CASQ2: variants seen among roughly 807,000 people sequenced by gnomAD.
The protein encoded by CASQ2 is calsequestrin 2, also known as calsequestrin-2.
In CASQ2, 49 loss-of-function variants were observed where a neutral mutation model predicts 46.5. The observed-to-expected ratio is 1.05, with a 90% CI of 0.84 to 1.34. CASQ2 has a LOEUF of 1.34. Among genes scored for constraint, CASQ2 ranks in the 40% most tolerant of loss-of-function variants. The pLI is 0.00. For synonymous variants in CASQ2, 174 were observed against 168.5 expected, an observed-to-expected ratio of 1.03 and a Z score of -0.25; for missense variants, 486 against 481.3, an observed-to-expected ratio of 1.01 and a Z score of -0.09.
chr1:115,711,710 A>C (rs894670948), intron 8 of CASQ2, among the ~76,000 whole-genome samples: 2 of 151,402 alleles, frequency 1.3e-5, no homozygotes, highest in African/African-American at 4.9e-5. Context: ...GCTGGAGTGC[A>C]ATGGTGTGGT....
intron 5 of CASQ2, among the ~76,000 whole-genome samples, chr1:115,730,585 C>A (rs1647751096): frequency 6.6e-6 from 1 of 152,158 alleles, no homozygotes; most frequent in South Asian, 2.1e-4. Flanking sequence ...GAACTCATAA[C>A]CCCATCTCTT....
At chr1:115,711,567 C>T (rs187115305) in intron 8 of CASQ2, among the ~76,000 whole-genome samples, 23 of 150,574 alleles carry the variant, frequency 1.5e-4, no homozygotes, top group African/African-American at 5.7e-4. Flanking sequence ...CTCCTCCACC[C>T]CCATCAAACT....
chr1:115,728,653 T>G (rs915449566), intron 5 of CASQ2, among the ~76,000 whole-genome samples: 1 of 152,254 alleles, frequency 6.6e-6, no homozygotes, highest in Non-Finnish European at 1.5e-5. Flanking sequence ...GCTTATCACG[T>G]GCCAGGCACT....
intron 7 of CASQ2, among the ~76,000 whole-genome samples, chr1:115,722,300 G>A (rs1481966986): frequency 1.3e-5 from 2 of 152,164 alleles, no homozygotes; most frequent in African/African-American, 4.8e-5. Flanking sequence ...TGGAAAATAT[G>A]AGCCATCACC....
chr1:115,705,204 G>T lies in CASQ2; in HGVS notation c.927C>A (p.Asp309Glu). 1 of 1,611,614 alleles carries T rather than the reference G, an allele frequency of 6.2e-7. No homozygotes were observed. Among genetic ancestry groups the T allele is most frequent in the Non-Finnish European group, 8.5e-7 (1 of 1,177,638 alleles). ...TGGAGCCACTCACCAGAGGAAAGTC[G>T]TCCGGGTCGATCCACAGGATGCTCA... Reference protein sequence around the residue: ...PDLSILWIDPDDFPLLVAYWE... With the variant: ...PDLSILWIDPEDFPLLVAYWE... The change falls in exon 9 of 11, where the codon GAC becomes GAA. Residue 309 changes from aspartate (D) to glutamate (E), a missense_variant. Asp to Glu is a conservative substitution (Grantham distance 45). Coordinates refer to ENST00000261448, the MANE Select transcript of CASQ2 (RefSeq NM_001232.4).
In CASQ2 at chr1:115,761,523, GAAGAA is replaced by G. The variant is rs1274221128; in HGVS notation, c.234+6780_234+6784del. Among the ~76,000 whole-genome samples, 641 of 101,292 alleles carry G rather than the reference GAAGAA, an allele frequency of 6.3e-3. 65 individuals are homozygous for G. Among genetic ancestry groups the G allele is most frequent in the East Asian group, 0.014 (31 of 2,272 alleles). 66.5% of individuals were successfully genotyped at this position (101,292 alleles called of 152,430 possible). ...AGAAGAAGAAGAAGAAGAAGAAGAAGAAGAAGAGTTCATAAAGTGCACATGAGTCT... is the reference window on the plus strand; with the variant it reads ...AGAAGAAGAAGAAGAAGAAGAAGAAGGAGTTCATAAAGTGCACATGAGTCT... On this transcript the variant is annotated intron_variant, in intron 1 of 10. Coordinates refer to ENST00000261448, the MANE Select transcript of CASQ2 (RefSeq NM_001232.4).
chr1:115,746,208 A>G (rs1405891338), intron 1 of CASQ2, among the ~76,000 whole-genome samples: 2 of 151,420 alleles, frequency 1.3e-5, no homozygotes, highest in Non-Finnish European at 2.9e-5. Context: ...AATGTATCAT[A>G]GTTTGTTTAA....
At chr1:115,706,855 T>G (rs1024836240) in intron 8 of CASQ2, among the ~76,000 whole-genome samples, 2 of 152,156 alleles carry the variant, frequency 1.3e-5, no homozygotes, top group African/African-American at 4.8e-5. Context: ...GTAAAAGTTT[T>G]TTTCTACACT....
chr1:115,718,233 A>G (rs1647243428), intron 7 of CASQ2, among the ~76,000 whole-genome samples: 1 of 152,236 alleles, frequency 6.6e-6, no homozygotes, highest in Non-Finnish European at 1.5e-5. Context: ...AGGCAAAATG[A>G]GAAAGAACAT....
chr1:115,733,796 C>T (rs1647869055), intron 4 of CASQ2, among the ~76,000 whole-genome samples: 1 of 152,218 alleles, frequency 6.6e-6, no homozygotes, highest in Admixed American at 6.5e-5. Context: ...ACAAGATTAG[C>T]TTCTTTCCAT....
In CASQ2 at chr1:115,701,054, T is replaced by C; in HGVS notation, c.*187A>G. The C allele has an allele frequency of 6.2e-6, 5 of 810,114 alleles. No homozygotes were observed. Among genetic ancestry groups the C allele is most frequent in the Non-Finnish European group, 1.1e-5 (5 of 474,580 alleles). 50.2% of individuals were successfully genotyped at this position (810,114 alleles called of 1,614,324 possible). On this transcript the variant is annotated 3_prime_UTR_variant, in exon 11 of 11. Transcript: ENST00000261448. Reference sequence around the variant, plus strand: ...TTTCTCCTGTCCCTGCTAAGTGGGATTGCTGCATTTGAAAAGGCATTTGCT... The same window carrying C: ...TTTCTCCTGTCCCTGCTAAGTGGGACTGCTGCATTTGAAAAGGCATTTGCT...
intron 1 of CASQ2, among the ~76,000 whole-genome samples, chr1:115,750,835 A>C (rs867239706): frequency 6.6e-6 from 1 of 152,238 alleles, no homozygotes; most frequent in South Asian, 2.1e-4. Flanking sequence ...AATATGCATA[A>C]TTCAATAGGA....
intron 8 of CASQ2, among the ~76,000 whole-genome samples, chr1:115,709,853 T>C (rs1210906152): frequency 6.6e-6 from 1 of 152,184 alleles, no homozygotes; most frequent in African/African-American, 2.4e-5. Context: ...TCTTTTTTGT[T>C]TTGTTTTGAG....
chr1:115,732,719 G>GTCATCTTTGTAC (rs1249263005), intron 5 of CASQ2, among the ~76,000 whole-genome samples, 182 bp downstream of exon 5: 5 of 152,142 alleles, frequency 3.3e-5, no homozygotes, highest in Non-Finnish European at 7.4e-5. Context: ...CTCTGACTTA[G>GTCATCTTTGTAC]TCATCTTTGT....
chr1:115,725,602 G>C (rs1359160969), intron 6 of CASQ2, 49 bp from the exon 7 acceptor site: 2 of 1,579,368 alleles, frequency 1.3e-6, no homozygotes. Context: ...CTTGAGTAGG[G>C]ATCACTGTGG....
intron 5 of CASQ2, among the ~76,000 whole-genome samples, chr1:115,728,745 A>G (rs962115634): frequency 1.3e-5 from 2 of 152,198 alleles, no homozygotes; most frequent in African/African-American, 4.8e-5. Flanking sequence ...TAGTTATTTT[A>G]CAAATGATGA....
At chr1:115,732,072 A>G in intron 5 of CASQ2, 1 of 151,964 alleles carries the variant, frequency 6.6e-6, no homozygotes, top group Non-Finnish European at 1.5e-5. Context: ...GTGCCACCAC[A>G]CCCAGCTAAT....
intron 2 of CASQ2, among the ~76,000 whole-genome samples, chr1:115,742,368 G>A (rs181778548): frequency 6.6e-6 from 1 of 152,200 alleles, no homozygotes; most frequent in African/African-American, 2.4e-5. Context: ...TTTGTCTTGA[G>A]CAAAACCGCA....
At chr1:115,750,593 T>C (rs931595597) in intron 1 of CASQ2, among the ~76,000 whole-genome samples, 3 of 152,154 alleles carry the variant, frequency 2.0e-5, no homozygotes, top group African/African-American at 7.2e-5. Context: ...ACTGAAGCCT[T>C]GACCTCCCAG....
Sources: allele counts gnomAD v4.1 joint callset (sites outside exome capture counted in the v4.1 genomes callset), GRCh38; gene constraint gnomAD v4.1.1; transcripts MANE v1.5; gene names NCBI Gene and HGNC (gene_info 2026-07-23, HGNC 2026-07-21).